The following MINDY4 variants were observed in gnomAD, a reference collection of about 807,000 sequenced individuals.
MINDY4 encodes the protein MINDY lysine 48 deubiquitinase 4.
A neutral mutation model predicts 87.0 loss-of-function variants in MINDY4; 68 were observed. The observed-to-expected ratio is 0.78, with a 90% CI of 0.64 to 0.96. The LOEUF is 0.96. MINDY4 is among the 40% of genes least tolerant of loss of function. The pLI is 0.00. For missense variants in MINDY4, 919 were observed against 928.2 expected (o/e 0.99, Z 0.13); for synonymous variants, 379 against 363.2 (o/e 1.04, Z -0.50).
intron 17 of MINDY4, among the ~76,000 whole-genome samples, chr7:30,889,628 C>A (rs927113325): frequency 6.6e-6 from 1 of 152,180 alleles, no homozygotes; most frequent in African/African-American, 2.4e-5. Context: ...TGGCTCAACC[C>A]CAAAACCCAA....
Position 30,771,419 on chromosome 7 carries a change from A to G in MINDY4, c.-75A>G. The G allele has an allele frequency of 5.5e-6, 8 of 1,462,660 alleles. No homozygotes were observed. The highest frequency in any genetic ancestry group is 6.5e-6 in the Non-Finnish European group (7 of 1,082,466). 90.6% of individuals were successfully genotyped at this position (1,462,660 alleles called of 1,614,324 possible). On this transcript the variant is annotated 5_prime_UTR_variant, in exon 1 of 18. The change creates a new upstream start codon in the 5' untranslated region. Transcript: ENST00000265299. ...GCCGTCGCCACGGCAACGCGGCCAT[A>G]CTGCGCCGGACAGACCCAGTTGCCT...
Position 30,791,205 on chromosome 7 carries a change from C to T in MINDY4, c.704C>T (p.Ser235Leu), listed in dbSNP as rs1787313566. 1 of 1,614,034 alleles carries T rather than the reference C, an allele frequency of 6.2e-7. No individual in the cohort carries two copies. Among genetic ancestry groups the T allele is most frequent in the African/African-American group, 1.3e-5 (1 of 75,042 alleles). The change falls in exon 5 of 18, where the codon TCA becomes TTA. Residue 235 changes from serine (S) to leucine (L), a missense_variant. Ser to Leu is a moderately radical substitution (Grantham distance 145, BLOSUM62 -2). Transcript: ENST00000265299. ...HRHYLRRSSP[S>L]SSSTQPQEES... ...CACTATCTGAGACGGTCCTCACCGT[C>T]AAGCAGCTCCACCCAACCCCAAGAA... is the stretch of plus-strand genomic sequence containing the variant.
At position 30,891,985 on chromosome 7, in the gene MINDY4, G is replaced by A. The variant is rs769142860; in HGVS notation, c.2254G>A (p.Gly752Ser). The A allele has an allele frequency of 3.1e-6, 5 of 1,613,976 alleles. No individual in the cohort carries two copies. Among genetic ancestry groups the A allele is most frequent in the Admixed American group, 1.7e-5 (1 of 60,004 alleles). ...GAAGGGGGCATCAGTGAACTGGAAC[G>A]GCTCAGACCCCATCCTGTGACCGTT... ...KWKGASVNWN[G>S]SDPIL Residue 752 changes from glycine to serine, a missense_variant, in exon 18 of 18, where the codon GGC (glycine) becomes AGC (serine). Coordinates refer to ENST00000265299, the MANE Select transcript of MINDY4 (RefSeq NM_032222.3).
chr7:30,869,414 T>C (rs1328496008), intron 13 of MINDY4, among the ~76,000 whole-genome samples: 3 of 152,194 alleles, frequency 2.0e-5, no homozygotes, highest in Non-Finnish European at 4.4e-5. Context: ...TCTAAAAAGA[T>C]GTTGGAGGCT....
intron 12 of MINDY4, chr7:30,858,050 T>C (rs925477476): frequency 6.6e-6 from 1 of 152,194 alleles, no homozygotes; most frequent in Non-Finnish European, 1.5e-5. Flanking sequence ...TTTTTTTTTC[T>C]AATTTTAAGT....
chr7:30,888,466 G>A lies in MINDY4; in HGVS notation c.2226-3491G>A, dbSNP rs188647213. Among the ~76,000 whole-genome samples, 13 of 152,300 alleles carry A rather than the reference G, an allele frequency of 8.5e-5. No individual in the cohort carries two copies. The East Asian group carries it at 2.5e-3, about 29-fold the overall frequency. Reference sequence around the variant, plus strand: ...GCTATAAACTGGCTGGCTGTCAGCCGCCTCCTGCATTAGCACTGATGAATG... The same window carrying A: ...GCTATAAACTGGCTGGCTGTCAGCCACCTCCTGCATTAGCACTGATGAATG... On this transcript the variant is annotated intron_variant, in intron 17 of 17. Transcript: ENST00000265299.
intron 5 of MINDY4, among the ~76,000 whole-genome samples, chr7:30,798,692 G>A (rs533172713): frequency 6.6e-6 from 1 of 152,120 alleles, no homozygotes; most frequent in African/African-American, 2.4e-5. Context: ...TAGAGACGGG[G>A]TTTCACCATG....
At chr7:30,854,585 AC>A (rs1789516436) in intron 12 of MINDY4, among the ~76,000 whole-genome samples, 1 of 151,790 alleles carries the variant, frequency 6.6e-6, no homozygotes, top group Non-Finnish European at 1.5e-5. Context: ...CTTCCCTTTG[AC>A]CTTCTGGATG....
chr7:30,806,996 A>T (rs909859116), intron 5 of MINDY4, among the ~76,000 whole-genome samples: 1 of 152,242 alleles, frequency 6.6e-6, no homozygotes, highest in Non-Finnish European at 1.5e-5. Context: ...TGGCATTTCT[A>T]TAACTGATAT....
At chr7:30,809,720 T>C (rs531590103) in intron 5 of MINDY4, among the ~76,000 whole-genome samples, 1 of 151,838 alleles carries the variant, frequency 6.6e-6, no homozygotes, top group South Asian at 2.1e-4. Flanking sequence ...TCTTGTGGCC[T>C]TAGACAATCT....
chr7:30,850,568 G>A lies in MINDY4; in HGVS notation c.1547+13G>A, dbSNP rs373611161. 23 of 1,589,446 alleles carry A rather than the reference G, an allele frequency of 1.4e-5. No homozygotes were observed. Among genetic ancestry groups the A allele is most frequent in the Admixed American group, 3.5e-5 (2 of 56,854 alleles). On this transcript the variant is annotated intron_variant, in intron 10 of 17. Transcript: ENST00000265299. ...CCGTTGTTGCACTGTAAGTGGTTCC[G>A]AGGTCTGTGTTGCCGTGGCTCATCG...
At chr7:30,882,444 A>G in intron 16 of MINDY4, 83 bp downstream of exon 16, 1 of 1,172,002 alleles carries the variant, frequency 8.5e-7, no homozygotes, top group Non-Finnish European at 1.1e-6. Flanking sequence ...CTTCCTATCC[A>G]CCACCAACCC....
intron 13 of MINDY4, among the ~76,000 whole-genome samples, chr7:30,860,762 C>CA (rs1789735066): frequency 6.6e-6 from 1 of 152,116 alleles, no homozygotes; most frequent in Non-Finnish European, 1.5e-5. Flanking sequence ...CTTCAGGGTT[C>CA]CATGCCCAGG....
At chr7:30,807,669 C>T (rs982081345) in intron 5 of MINDY4, among the ~76,000 whole-genome samples, 3 of 152,188 alleles carry the variant, frequency 2.0e-5, no homozygotes, top group African/African-American at 7.2e-5. Context: ...TAAAGATTGA[C>T]CCCTGACCTA....
At chr7:30,856,821 G>A (rs1168230840) in intron 12 of MINDY4, among the ~76,000 whole-genome samples, 1 of 151,614 alleles carries the variant, frequency 6.6e-6, no homozygotes, top group Non-Finnish European at 1.5e-5. Flanking sequence ...GCTGGTACAA[G>A]GGACTGGTGA....
chr7:30,865,937 C>G (rs921927291), intron 13 of MINDY4, among the ~76,000 whole-genome samples: 8 of 152,208 alleles, frequency 5.3e-5, no homozygotes, highest in African/African-American at 1.9e-4. Context: ...AAATGAGGCC[C>G]TAGATAGGCC....
chr7:30,850,346 A>G, intron 9 of MINDY4, 108 bp from the exon 10 acceptor site: 1 of 1,038,572 alleles, frequency 9.6e-7, no homozygotes, highest in Non-Finnish European at 1.4e-6. Context: ...AGGCCAGAGA[A>G]AGAACAGGCC....
In MINDY4 at chr7:30,808,057, G is replaced by A. The variant is rs921701468; in HGVS notation, c.1073+16483G>A. Among the ~76,000 whole-genome samples the A allele has an allele frequency of 5.9e-5, 9 of 152,208 alleles. No individual in the cohort carries two copies. The East Asian group carries it at 1.2e-3, about 20-fold the overall frequency. On this transcript the variant is annotated intron_variant, in intron 5 of 17. Coordinates refer to ENST00000265299, the MANE Select transcript of MINDY4 (RefSeq NM_032222.3). The stretch of plus-strand genomic sequence containing the variant: ...GGACGGTCAAGGCAGCCCCTTAGGC[G>A]GCTTAGGCCTGCCCTGTGGGGGACT...
At chr7:30,807,198 C>G (rs1179794862) in intron 5 of MINDY4, among the ~76,000 whole-genome samples, 1 of 152,134 alleles carries the variant, frequency 6.6e-6, no homozygotes, top group Admixed American at 6.5e-5. Flanking sequence ...ATTTCATGTC[C>G]ACCTCCTCAT....
Sources: allele counts gnomAD v4.1 joint callset (sites outside exome capture counted in the v4.1 genomes callset), GRCh38; gene constraint gnomAD v4.1.1; transcripts MANE v1.5; gene names NCBI Gene and HGNC (gene_info 2026-07-23, HGNC 2026-07-21).